Variants in TRAP1 observed in about 807,000 individuals in gnomAD.
The protein encoded by TRAP1 is TNF receptor associated protein 1.
A neutral mutation model predicts 89.1 loss-of-function variants in TRAP1; 102 were observed. That is an observed-to-expected ratio of 1.15 (90% CI 0.98 to 1.35). The LOEUF is 1.35. Ranked by LOEUF, TRAP1 falls within the 40% of genes most tolerant of loss-of-function variation. The probability of loss-of-function intolerance (pLI) is 0.00; values close to 1 mark genes in which losing one functional copy is unlikely to be tolerated. For synonymous variants in TRAP1, 508 were observed against 388.0 expected, an observed-to-expected ratio of 1.31 and a Z score of -3.64; for missense variants, 1,256 against 945.3, an observed-to-expected ratio of 1.33 and a Z score of -4.31.
At chr16:3,678,043 T>G (rs1208752187) in intron 5 of TRAP1, 3 of 204,040 alleles carry the variant, frequency 1.5e-5, no homozygotes, top group African/African-American at 7.1e-5. Context: ...CTGGCTTCCA[T>G]ATTCAAGTCT....
At chr16:3,663,686 T>C in intron 13 of TRAP1, 124 bp from the exon 14 acceptor site, 5 of 1,263,508 alleles carry the variant, frequency 4.0e-6, no homozygotes, top group East Asian at 2.5e-5. Context: ...ACCGGGGCAG[T>C]TGGGGTTCCT....
rs1437240632 is a variant in TRAP1 at position 3,717,500 on chromosome 16, G to C, written c.9C>G (p.Arg3=). 4 of 1,349,432 alleles carry C rather than the reference G, an allele frequency of 3.0e-6. No individual in the cohort carries two copies. The highest frequency in any genetic ancestry group is 6.8e-5 in the Admixed American group (2 of 29,464). The allele number at this position is 1,349,432 out of a possible 1,614,324, so 83.6% of individuals were successfully genotyped here. MA[R]ELRALLLWGR... ...CCCACAGCAGCAGCGCCCGCAGCTC[G>C]CGCGCCATGTCGTACTCCCAGAGCG... is the stretch of plus-strand genomic sequence containing the variant. Residue 3 remains arginine (R), a synonymous_variant, in exon 1 of 18, where the codon CGC becomes CGG. Coordinates refer to ENST00000246957, the MANE Select transcript of TRAP1 (RefSeq NM_016292.3).
At chr16:3,659,917 T>C (rs997895857) in intron 16 of TRAP1, 2 of 151,984 alleles carry the variant, frequency 1.3e-5, no homozygotes, top group Admixed American at 1.3e-4. Flanking sequence ...CCCCAGCTAG[T>C]TTTTGTATTT....
intron 1 of TRAP1, among the ~76,000 whole-genome samples, chr16:3,710,873 A>ATTTT (rs199927286): frequency 4.7e-5 from 5 of 106,066 alleles, no homozygotes; most frequent in African/African-American, 2.4e-4. Flanking sequence ...ATATATATAT[A>ATTTT]TATATATTTT....
intron 12 of TRAP1, among the ~76,000 whole-genome samples, chr16:3,665,752 A>G (rs566766654): frequency 6.6e-6 from 1 of 152,338 alleles, no homozygotes; most frequent in Admixed American, 6.5e-5. Flanking sequence ...TGAGCCCTTC[A>G]GAGCACAGCA....
chr16:3,709,688 G>A (rs1359628837), intron 1 of TRAP1, among the ~76,000 whole-genome samples: 4 of 151,944 alleles, frequency 2.6e-5, no homozygotes, highest in African/African-American at 9.7e-5. Context: ...TTTCGCTCTT[G>A]TTGCCAGGCT....
chr16:3,694,162 G>A (rs2051255588), intron 1 of TRAP1, among the ~76,000 whole-genome samples: 1 of 151,928 alleles, frequency 6.6e-6, no homozygotes, highest in Admixed American at 6.6e-5. Context: ...CTTGTCACAT[G>A]GCAAGCTCTT....
chr16:3,712,612 A>C (rs939639208), intron 1 of TRAP1, among the ~76,000 whole-genome samples: 2 of 152,040 alleles, frequency 1.3e-5, no homozygotes, highest in Non-Finnish European at 2.9e-5. Context: ...ATTCGGATTG[A>C]TGTGTTTGTT....
At chr16:3,716,747 G>A (rs1358004403) in intron 1 of TRAP1, among the ~76,000 whole-genome samples, 1 of 152,226 alleles carries the variant, frequency 6.6e-6, no homozygotes, top group Admixed American at 6.5e-5. Context: ...TGGGAAAGCA[G>A]AGGTTAGGGT....
rs138590983 is a variant in TRAP1 at position 3,689,076 on chromosome 16, C to T, written c.309G>A (p.Arg103=). ...GCACCTCTTTTTCTGAGTACAGGGA[C>T]CGGGCAACAATGTCCAAAAGCTTCT... is the stretch of plus-strand genomic sequence containing the variant. ...ETKKLLDIVA[R]SLYSEKEVFI... The change falls in exon 3 of 18, where the codon CGG becomes CGA. Residue 103 remains arginine (R), a synonymous_variant. Coordinates refer to ENST00000246957, the MANE Select transcript of TRAP1 (RefSeq NM_016292.3). 9.1e-5 allele frequency: 147 copies of T among 1,613,702 alleles called. 1 individual carries two copies. Among genetic ancestry groups the T allele is most frequent in the Middle Eastern group, 1.6e-4 (1 of 6,084 alleles).
intron 1 of TRAP1, among the ~76,000 whole-genome samples, chr16:3,711,900 A>C (rs1391847068): frequency 1.7e-4 from 26 of 152,216 alleles, no homozygotes; most frequent in Admixed American, 1.7e-3. Flanking sequence ...CACTTGAGGC[A>C]CCAAAAACGC....
intron 1 of TRAP1, among the ~76,000 whole-genome samples, chr16:3,713,292 A>T (rs1158941929): frequency 6.6e-6 from 1 of 152,204 alleles, no homozygotes; most frequent in Non-Finnish European, 1.5e-5. Context: ...AAACCCGTCA[A>T]CAAAACGAAG....
At chr16:3,685,329 T>G (rs1183132848) in intron 4 of TRAP1, among the ~76,000 whole-genome samples, 3 of 152,138 alleles carry the variant, frequency 2.0e-5, no homozygotes. Context: ...AGCCCCTCCT[T>G]TAATTAAAAC....
chr16:3,671,932 C>T, intron 10 of TRAP1, 141 bp from the exon 11 acceptor site: 1 of 861,420 alleles, frequency 1.2e-6, no homozygotes, highest in Non-Finnish European at 1.8e-6. Context: ...GGCGGCACTG[C>T]CGGAGCTTCC....
At chr16:3,703,389 T>A (rs1352755040) in intron 1 of TRAP1, among the ~76,000 whole-genome samples, 2 of 151,706 alleles carry the variant, frequency 1.3e-5, no homozygotes, top group African/African-American at 4.9e-5. Context: ...TATAGAGAAA[T>A]GGGACAATGC....
intron 1 of TRAP1, among the ~76,000 whole-genome samples, chr16:3,716,020 A>G (rs2051594102): frequency 6.6e-6 from 1 of 151,748 alleles, no homozygotes; most frequent in South Asian, 2.1e-4. Context: ...GCGCCACCAC[A>G]CCCAGCTAAT....
intron 12 of TRAP1, chr16:3,664,854 A>G (rs2050792220): frequency 5.4e-6 from 1 of 186,370 alleles, no homozygotes; most frequent in South Asian, 9.9e-5. Flanking sequence ...GGCCCTCCTC[A>G]CAGCTGGCTA....
In TRAP1 at chr16:3,670,537, CA is replaced by C. The variant is rs375398636; in HGVS notation, c.1235+1184del. Among the ~76,000 whole-genome samples the C allele has an allele frequency of 3.8e-3, 571 of 151,494 alleles. 3 individuals carry two copies. The highest frequency in any genetic ancestry group is 0.013 in the African/African-American group (544 of 41,258). On this transcript the variant is annotated intron_variant, in intron 11 of 17. Transcript: ENST00000246957. The stretch of plus-strand genomic sequence containing the variant: ...GCAACATAGTGAGATCCCAACTCTA[CA>C]AAAAAATACAAAAAAATTAGCCAGG...
chr16:3,686,146 T>C lies in TRAP1; in HGVS notation c.331-10A>G, dbSNP rs78556812. Reference sequence around the variant, plus strand: ...GCTCCCGTATAAACACCTACAGGAATAGAAATGGGAGGCACAGACAATGAA... The same window carrying C: ...GCTCCCGTATAAACACCTACAGGAACAGAAATGGGAGGCACAGACAATGAA... On this transcript the variant is annotated splice_polypyrimidine_tract_variant and intron_variant, in intron 3 of 17. Coordinates refer to ENST00000246957, the MANE Select transcript of TRAP1 (RefSeq NM_016292.3). 4.3e-3 allele frequency: 7,014 copies of C among 1,613,236 alleles called. 335 individuals carry two copies. In the East Asian group the frequency reaches 0.12, roughly 27 times the overall value.
Sources: gnomAD v4.1 joint callset for allele counts (sites outside exome capture counted in the v4.1 genomes callset) on GRCh38, gnomAD v4.1.1 for gene constraint, MANE v1.5 for transcripts, NCBI Gene and HGNC (gene_info 2026-07-23, HGNC 2026-07-21) for gene names.